Variants in THADA observed in about 807,000 individuals in gnomAD.
The protein encoded by THADA is tRNA (32-2'-O)-methyltransferase regulator THADA.
In THADA, 213 loss-of-function variants were observed where a neutral mutation model predicts 219.8. The observed-to-expected ratio is 0.97, with a 90% CI of 0.87 to 1.09. THADA has a LOEUF of 1.09. Ranked by LOEUF, THADA falls within the 50% of genes least tolerant of loss-of-function variation. THADA has a pLI of 0.00. For synonymous variants in THADA, 1,018 were observed against 828.9 expected (o/e 1.23, Z -3.92); for missense variants, 2,956 against 2,311.3 (o/e 1.28, Z -5.72).
chr2:43,440,540 G>A (rs1287430551), intron 26 of THADA, among the ~76,000 whole-genome samples: 2 of 152,120 alleles, frequency 1.3e-5, no homozygotes, highest in African/African-American at 2.4e-5. Context: ...AATTTCCACT[G>A]TTAATGTCCT....
chr2:43,558,555 GGAA>G (rs1329129063), intron 16 of THADA, among the ~76,000 whole-genome samples: 2 of 152,144 alleles, frequency 1.3e-5, no homozygotes, highest in African/African-American at 4.8e-5. Flanking sequence ...AATAAAAGCA[GGAA>G]GAAGAACATG....
chr2:43,342,852 C>G (rs1056687681), intron 30 of THADA: 1 of 152,144 alleles, frequency 6.6e-6, no homozygotes, highest in African/African-American at 2.4e-5. Context: ...TTGAATTAAA[C>G]TGATTTGAGA....
At chr2:43,349,551 C>T (rs535218091) in intron 29 of THADA, among the ~76,000 whole-genome samples, 73 of 152,252 alleles carry the variant, frequency 4.8e-4, no homozygotes, top group African/African-American at 1.4e-3. Flanking sequence ...GGGAATGCAA[C>T]GCTGAGATGG....
At chr2:43,272,476 T>C (rs1040595901) in intron 36 of THADA, among the ~76,000 whole-genome samples, 33 of 152,300 alleles carry the variant, frequency 2.2e-4, no homozygotes, top group African/African-American at 7.5e-4. Flanking sequence ...TCTAAGTATT[T>C]GTTGAATGAA....
At chr2:43,365,089 C>T (rs1437823110) in intron 29 of THADA, among the ~76,000 whole-genome samples, 1 of 151,626 alleles carries the variant, frequency 6.6e-6, no homozygotes, top group Non-Finnish European at 1.5e-5. Flanking sequence ...CTATGCCTGG[C>T]TAATTTTGTA....
At chr2:43,586,023 G>A (rs935117327) in intron 7 of THADA, among the ~76,000 whole-genome samples, 5 of 152,014 alleles carry the variant, frequency 3.3e-5, no homozygotes, top group East Asian at 1.9e-4. Flanking sequence ...TCAACACTTC[G>A]GGAGGCTAAA....
chr2:43,581,875 A>C lies in THADA; in HGVS notation c.587T>G (p.Val196Gly), dbSNP rs1157532204. 6.2e-7 allele frequency: 1 copy of C among 1,602,458 alleles called. No individual in the cohort carries two copies. The highest frequency in any genetic ancestry group is 8.5e-7 in the Non-Finnish European group (1 of 1,176,406). The change falls in exon 8 of 38, where the codon GTA (valine) becomes GGA (glycine). Residue 196 changes from valine to glycine, a missense_variant. By Grantham distance (109) the Val-to-Gly change is moderately radical. Coordinates refer to ENST00000405975, the MANE Select transcript of THADA (RefSeq NM_022065.5). ...IQTQLMNDLL[V>G]GIRVSMMLVQ... ...TAACATCATTGAAACTCTAATGCCT[A>C]CCAGTAAGTCATTCATCAACTGTGT...
chr2:43,445,616 A>G (rs752733895), intron 26 of THADA, among the ~76,000 whole-genome samples: 1 of 152,222 alleles, frequency 6.6e-6, no homozygotes, highest in African/African-American at 2.4e-5. Flanking sequence ...GGCTCCAACC[A>G]GTATCCTTGT....
rs560426595 is a variant in THADA, at chr2:43,320,430, T to C, written c.4438+16A>G. 6.3e-7 allele frequency: 1 copy of C among 1,596,628 alleles called. No individual in the cohort carries two copies. The highest frequency in any genetic ancestry group is 8.6e-7 in the Non-Finnish European group (1 of 1,168,000). ...TGTGTAACGATTCCAAAATACAGTA[T>C]AACTATGAATCATACCTGGCTGGTT... On this transcript the variant is annotated intron_variant, in intron 31 of 37. Coordinates refer to ENST00000405975, the MANE Select transcript of THADA (RefSeq NM_022065.5).
At chr2:43,320,989 G>A (rs17030684) in intron 30 of THADA, among the ~76,000 whole-genome samples, 29,379 of 152,100 alleles carry the variant, frequency 0.19, 2,951 homozygotes, top group Middle Eastern at 0.28. Flanking sequence ...ATGAAAAGCT[G>A]TATCTGTGGA....
At chr2:43,323,960 G>C (rs1002120828) in intron 30 of THADA, among the ~76,000 whole-genome samples, 5 of 152,208 alleles carry the variant, frequency 3.3e-5, no homozygotes, top group Non-Finnish European at 5.9e-5. Flanking sequence ...GAAACAAGAG[G>C]AAGGCTGGTC....
At chr2:43,424,344 TC>T (rs1328945710) in intron 28 of THADA, among the ~76,000 whole-genome samples, 1 of 152,188 alleles carries the variant, frequency 6.6e-6, no homozygotes, top group Non-Finnish European at 1.5e-5. Context: ...TTTGCACTAC[TC>T]CCACAAACTG....
At chr2:43,429,160 T>A (rs1678898524) in intron 27 of THADA, among the ~76,000 whole-genome samples, 1 of 150,050 alleles carries the variant, frequency 6.7e-6, no homozygotes, top group South Asian at 2.1e-4. Flanking sequence ...CAAGCTGGAG[T>A]GCAGTGGCAA....
intron 37 of THADA, among the ~76,000 whole-genome samples, chr2:43,232,465 G>A (rs535648016): frequency 7.9e-5 from 12 of 152,082 alleles, no homozygotes; most frequent in African/African-American, 2.2e-4. Context: ...AGCATGAGCC[G>A]CTGTGCCCGG....
At chr2:43,253,446 C>A (rs781315922) in intron 36 of THADA, among the ~76,000 whole-genome samples, 1 of 152,072 alleles carries the variant, frequency 6.6e-6, no homozygotes, top group African/African-American at 2.4e-5. Flanking sequence ...CACTACTGAA[C>A]CTTCTCTCTC....
chr2:43,541,842 A>G (rs553812680), intron 20 of THADA, among the ~76,000 whole-genome samples: 3 of 152,298 alleles, frequency 2.0e-5, no homozygotes, highest in East Asian at 1.9e-4. Context: ...ATAAAACACA[A>G]TATTGTTCCA....
chr2:43,297,273 G>C (rs1384572571), intron 31 of THADA, among the ~76,000 whole-genome samples: 1 of 101,218 alleles, frequency 9.9e-6, no homozygotes, highest in Non-Finnish European at 1.9e-5. Flanking sequence ...CGGCCACCCC[G>C]TCTGAGAAGT....
chr2:43,247,520 T>C (rs946649972), intron 36 of THADA, among the ~76,000 whole-genome samples: 3 of 151,434 alleles, frequency 2.0e-5, no homozygotes, highest in Non-Finnish European at 4.4e-5. Flanking sequence ...GGTGGGGAGA[T>C]CACCAAAGGT....
In THADA at chr2:43,578,601, AG is replaced by A. The variant is rs1233944864; in HGVS notation, c.727del (p.Leu243CysfsTer11). On this transcript the variant is annotated frameshift_variant, in exon 9 of 38. Transcript: ENST00000405975. LOFTEE classifies it high-confidence loss of function. ...AGATGTGCTCTGTACAGTCTGTAACAGATCATCTATTTGGCAAAAAAGGAGA... is the reference window on the plus strand; with the variant it reads ...AGATGTGCTCTGTACAGTCTGTAACAATCATCTATTTGGCAAAAAAGGAGA... ...IFTKVLSDDDLLQTVQSTSGL... is the reference protein window; with the variant it reads ...IFTKVLSDDDXLQTVQSTSGL... 1.9e-6 allele frequency: 3 copies of A among 1,591,636 alleles called. No homozygotes were observed. In the African/African-American group the frequency reaches 4.1e-5, roughly 21 times the overall value.
Sources: allele counts gnomAD v4.1 joint callset (sites outside exome capture counted in the v4.1 genomes callset), GRCh38; gene constraint gnomAD v4.1.1; transcripts MANE v1.5; gene names NCBI Gene and HGNC (gene_info 2026-07-23, HGNC 2026-07-21).